SNTG1: variants seen among roughly 807,000 people sequenced by gnomAD.
SNTG1 encodes syntrophin gamma 1, also known as gamma-1-syntrophin.
A neutral mutation model predicts 74.7 loss-of-function variants in SNTG1; 39 were observed. The observed-to-expected ratio is 0.52, with a 90% CI of 0.40 to 0.68. SNTG1 has a LOEUF of 0.68. Among genes scored for constraint, SNTG1 ranks in the 30% least tolerant of loss-of-function variants. SNTG1 has a pLI of 0.00. For synonymous variants in SNTG1, 254 were observed against 217.1 expected (o/e 1.17, Z -1.49); for missense variants, 685 against 609.5 (o/e 1.12, Z -1.30).
intron 12 of SNTG1, among the ~76,000 whole-genome samples, chr8:50,577,263 G>A (rs1010511634): frequency 6.6e-6 from 1 of 152,050 alleles, no homozygotes; most frequent in Non-Finnish European, 1.5e-5. Context: ...TTGTTAATGT[G>A]GTGAACTACT....
intron 2 of SNTG1, among the ~76,000 whole-genome samples, chr8:50,242,004 A>G (rs2086185422): frequency 6.6e-6 from 1 of 151,730 alleles, no homozygotes; most frequent in South Asian, 2.1e-4. Flanking sequence ...GCTCCCTCTT[A>G]ACTGGAGCCC....
intron 8 of SNTG1, among the ~76,000 whole-genome samples, chr8:50,481,339 C>G (rs1456770925): frequency 4.6e-5 from 7 of 152,114 alleles, no homozygotes; most frequent in African/African-American, 9.7e-5. Flanking sequence ...GGAGATCACG[C>G]CATTGCACTC....
At chr8:50,391,454 G>A (rs1318938183) in intron 2 of SNTG1, among the ~76,000 whole-genome samples, 1 of 152,126 alleles carries the variant, frequency 6.6e-6, no homozygotes, top group Non-Finnish European at 1.5e-5. Context: ...TTTTCGATGT[G>A]CTGCTGGATT....
intron 10 of SNTG1, among the ~76,000 whole-genome samples, chr8:50,530,988 T>C (rs1292227652): frequency 6.6e-6 from 1 of 152,218 alleles, no homozygotes; most frequent in African/African-American, 2.4e-5. Context: ...GAGGTGACGT[T>C]AAGCAGAATT....
At chr8:49,994,058 T>C (rs1314543941) in intron 1 of SNTG1, among the ~76,000 whole-genome samples, 1 of 152,136 alleles carries the variant, frequency 6.6e-6, no homozygotes, top group Non-Finnish European at 1.5e-5. Flanking sequence ...TGAATTTTAC[T>C]ACAAGCCTTT....
At position 50,536,806 on chromosome 8, in the gene SNTG1, T is replaced by G; in HGVS notation, c.678T>G (p.Ser226Arg). The G allele has an allele frequency of 6.2e-7, 1 of 1,613,858 alleles. No individual in the cohort carries two copies. Among genetic ancestry groups the G allele is most frequent in the Admixed American group, 1.7e-5 (1 of 60,004 alleles). Residue 226 changes from serine to arginine, a missense_variant and splice_region_variant, in exon 11 of 19, where the codon AGT becomes AGG. Physicochemically the swap from Ser to Arg is moderately radical, Grantham distance 110. Transcript: ENST00000642720. ...FSQYVPGTDL[S>R]RQNAFQVIAV... ...AGTATGTGCCCGGCACAGATTTGAGTCGGTGAGTCCGTGTTTAGGAGTTAT... is the reference window on the plus strand; with the variant it reads ...AGTATGTGCCCGGCACAGATTTGAGGCGGTGAGTCCGTGTTTAGGAGTTAT...
At chr8:50,106,683 T>C (rs1463627213) in intron 1 of SNTG1, among the ~76,000 whole-genome samples, 2 of 152,204 alleles carry the variant, frequency 1.3e-5, no homozygotes, top group African/African-American at 2.4e-5. Flanking sequence ...TTTCTGTTTT[T>C]AGTTTTCTTT....
intron 18 of SNTG1, among the ~76,000 whole-genome samples, chr8:50,778,800 A>T (rs59109586): frequency 0.019 from 2,898 of 151,110 alleles, 88 homozygotes; most frequent in African/African-American, 0.064. Flanking sequence ...CTGAATGGTA[A>T]TGCCTAGGTT....
chr8:50,204,709 T>A (rs1457715509), intron 2 of SNTG1, among the ~76,000 whole-genome samples: 1 of 152,034 alleles, frequency 6.6e-6, no homozygotes, highest in African/African-American at 2.4e-5. Context: ...CCTAATGCTA[T>A]CCCTCCCCAC....
At chr8:50,332,006 T>A (rs532476254) in intron 2 of SNTG1, among the ~76,000 whole-genome samples, 30 of 152,328 alleles carry the variant, frequency 2.0e-4, no homozygotes, top group African/African-American at 7.0e-4. Flanking sequence ...GCAAATGGAA[T>A]CACAAAGGTG....
intron 18 of SNTG1, among the ~76,000 whole-genome samples, chr8:50,752,398 G>A (rs2095569783): frequency 6.6e-6 from 1 of 151,874 alleles, no homozygotes; most frequent in Non-Finnish European, 1.5e-5. Context: ...GGGAACTAAA[G>A]CAGTCCTTTG....
rs141489624 is a variant in SNTG1, at chr8:50,067,704, A to C, written c.-102-104857A>C. On this transcript the variant is annotated intron_variant, in intron 1 of 18. Coordinates refer to ENST00000642720, the MANE Select transcript of SNTG1 (RefSeq NM_018967.5). Reference sequence around the variant, plus strand: ...TTTTTGTTGGAGTTTGAGGATCCACACCCTGATTTTGGTTGCCTTGGCTGA... The same window carrying C: ...TTTTTGTTGGAGTTTGAGGATCCACCCCCTGATTTTGGTTGCCTTGGCTGA... Among the ~76,000 whole-genome samples the C allele has an allele frequency of 3.8e-3, 574 of 152,250 alleles. 1 individual carries two copies. Among genetic ancestry groups the C allele is most frequent in the Non-Finnish European group, 6.7e-3 (458 of 68,010 alleles).
chr8:50,106,827 G>A (rs556621658), intron 1 of SNTG1, among the ~76,000 whole-genome samples: 16 of 152,142 alleles, frequency 1.1e-4, no homozygotes, highest in African/African-American at 2.6e-4. Context: ...TTCACAGATT[G>A]TATAGACTCA....
chr8:50,058,885 C>T (rs1820245512), intron 1 of SNTG1, among the ~76,000 whole-genome samples: 1 of 151,946 alleles, frequency 6.6e-6, no homozygotes, highest in Non-Finnish European at 1.5e-5. Flanking sequence ...TAACAATAAC[C>T]TCTCTCTCTT....
intron 2 of SNTG1, among the ~76,000 whole-genome samples, chr8:50,185,369 G>A (rs554646269): frequency 5.3e-5 from 8 of 152,278 alleles, no homozygotes; most frequent in Non-Finnish European, 1.0e-4. Flanking sequence ...ACTGTGAGTC[G>A]ATTAAACCTT....
intron 1 of SNTG1, among the ~76,000 whole-genome samples, chr8:49,970,512 G>A (rs1193462563): frequency 3.3e-5 from 5 of 152,128 alleles, no homozygotes; most frequent in African/African-American, 1.2e-4. Flanking sequence ...CTTCCCTGCA[G>A]CTTCCAAAAT....
chr8:50,383,088 A>G (rs1007507789), intron 2 of SNTG1, among the ~76,000 whole-genome samples: 10 of 152,226 alleles, frequency 6.6e-5, no homozygotes, highest in African/African-American at 2.2e-4. Flanking sequence ...TTAATGCGCA[A>G]TTAAATAATT....
At chr8:50,342,025 CT>C (rs575344659) in intron 2 of SNTG1, among the ~76,000 whole-genome samples, 41 of 152,084 alleles carry the variant, frequency 2.7e-4, no homozygotes, top group African/African-American at 9.2e-4. Context: ...CCAAGCCACT[CT>C]TATAGTCTGG....
intron 13 of SNTG1, 54 bp downstream of exon 13, chr8:50,590,971 G>T (rs1029426748): frequency 3.2e-6 from 4 of 1,238,526 alleles, no homozygotes. Flanking sequence ...TAATTTTATT[G>T]ATTATAGAAG....
Sources: gnomAD v4.1 joint callset for allele counts (sites outside exome capture counted in the v4.1 genomes callset) on GRCh38, gnomAD v4.1.1 for gene constraint, MANE v1.5 for transcripts, NCBI Gene and HGNC (gene_info 2026-07-23, HGNC 2026-07-21) for gene names.